Variants in SHROOM4 observed in about 807,000 individuals in gnomAD.
The protein encoded by SHROOM4 is protein Shroom4.
Under a neutral mutation model 80.3 loss-of-function variants are expected in SHROOM4, and 17 were observed. The observed-to-expected ratio is 0.21, with a 90% CI of 0.14 to 0.32. SHROOM4 has a LOEUF of 0.32. SHROOM4 is among the 10% of genes least tolerant of loss of function. The pLI is 1.00. For synonymous variants in SHROOM4, 400 were observed against 437.5 expected (o/e 0.91, Z 1.07); for missense variants, 993 against 1,140.3 (o/e 0.87, Z 1.86).
At chrX:50,751,406 C>A (rs782209193) in intron 1 of SHROOM4, among the ~76,000 whole-genome samples, 1 of 112,150 alleles carries the variant, frequency 8.9e-6, no homozygotes, top group East Asian at 2.8e-4. Context: ...TCAGACATAG[C>A]CTTGTCAAAA....
At position 50,608,015 on chromosome X, in the gene SHROOM4, C is replaced by T; in HGVS notation, c.3127G>A (p.Gly1043Arg). The change falls in exon 6 of 9, where the codon GGG becomes AGG. Residue 1043 changes from glycine to arginine, a missense_variant. Transcript: ENST00000376020. ...TGGGGCATGGAGGCAAGGGAGCTCC[C>T]CTCCTCATAAACTGAAGTTTCCTCT... ...KSEETSVYEE[G>R]SSLASMPHPL... The T allele has an allele frequency of 8.3e-7, 1 of 1,211,851 alleles. No individual in the cohort carries two copies. The highest frequency in any genetic ancestry group is 1.7e-5 in the African/African-American group (1 of 57,860).
intron 2 of SHROOM4, among the ~76,000 whole-genome samples, chrX:50,676,297 T>C (rs1214853676): frequency 1.9e-4 from 20 of 103,891 alleles, no homozygotes; most frequent in Non-Finnish European, 3.4e-4. Flanking sequence ...AGAAAAGTAG[T>C]TTTTTTTTTT....
intron 2 of SHROOM4, among the ~76,000 whole-genome samples, chrX:50,651,152 C>T (rs781846960): frequency 9.0e-6 from 1 of 111,664 alleles, no homozygotes; most frequent in Non-Finnish European, 1.9e-5. Context: ...TTTCCAGCTG[C>T]CTGATAGACT....
At chrX:50,725,955 T>C (rs782790946) in intron 1 of SHROOM4, among the ~76,000 whole-genome samples, 10 of 112,181 alleles carry the variant, frequency 8.9e-5, no homozygotes, top group Admixed American at 1.9e-4. Flanking sequence ...TGGAACTTCC[T>C]AGAGACTTGT....
rs555866730 is a variant in SHROOM4, at chrX:50,604,803, A to G, written c.3762-1990T>C. On this transcript the variant is annotated intron_variant, in intron 6 of 8. Coordinates refer to ENST00000376020, the MANE Select transcript of SHROOM4 (RefSeq NM_020717.5). ...TAGGTGGTCTATGTAGTAAACATCA[A>G]AGCAAAAAGCAGATTCCTTTCACAG... 2.7e-5 allele frequency among the ~76,000 whole-genome samples: 3 copies of G among 111,912 alleles called. No homozygotes were observed. The East Asian group carries it at 8.5e-4, about 32-fold the overall frequency.
rs782769641 is a variant in SHROOM4 at position 50,685,665 on chromosome X, T to C, written c.269+10121A>G. ...TGCTGGTTCTAGTCTAGTCTACCTC[T>C]GTCGCTGTGTGGCCTTAGGAAAGTC... On this transcript the variant is annotated intron_variant, in intron 2 of 8. Transcript: ENST00000376020. 8.0e-5 allele frequency among the ~76,000 whole-genome samples: 9 copies of C among 111,986 alleles called. No homozygotes were observed. The East Asian group carries it at 2.5e-3, about 32-fold the overall frequency.
At chrX:50,796,488 G>A (rs1337215984) in intron 1 of SHROOM4, among the ~76,000 whole-genome samples, 5 of 111,668 alleles carry the variant, frequency 4.5e-5, no homozygotes, top group African/African-American at 1.3e-4. Context: ...AATGTTAGAG[G>A]TGGAAAGGAT....
chrX:50,806,009 G>A (rs1936219983), intron 1 of SHROOM4, among the ~76,000 whole-genome samples: 1 of 102,854 alleles, frequency 9.7e-6, no homozygotes, highest in African/African-American at 3.6e-5. Context: ...CAGCAGACTA[G>A]AAGGGCTCAC....
chrX:50,744,659 G>T (rs1484264479), intron 1 of SHROOM4, among the ~76,000 whole-genome samples: 1 of 111,659 alleles, frequency 9.0e-6, no homozygotes, highest in African/African-American at 3.3e-5. Context: ...CTTATTTTTT[G>T]GCAATGCTCA....
At chrX:50,759,272 T>C (rs1419945800) in intron 1 of SHROOM4, among the ~76,000 whole-genome samples, 3 of 111,826 alleles carry the variant, frequency 2.7e-5, no homozygotes, top group Non-Finnish European at 5.6e-5. Flanking sequence ...ACTAGACACA[T>C]GCACATGCAG....
Position 50,607,733 on chromosome X carries a change from C to G in SHROOM4, c.3409G>C (p.Glu1137Gln). The G allele has an allele frequency of 8.5e-7, 1 of 1,178,097 alleles. No homozygotes were observed. Among genetic ancestry groups the G allele is most frequent in the Non-Finnish European group, 1.1e-6 (1 of 874,716 alleles). Residue 1137 changes from glutamate (E) to glutamine (Q), a missense_variant, in exon 6 of 9, where the codon GAG becomes CAG. Physicochemically the swap from Glu to Gln is conservative, Grantham distance 29. Transcript: ENST00000376020. The stretch of plus-strand genomic sequence containing the variant: ...TCTTCCTCTTCTTCTTCTTCTTCCT[C>G]CTCCTCCTCCTCCTCCTGTTGCTTC... Reference protein sequence around the residue: ...QQKQQEEEEEEEEEEEEEEEE... With the variant: ...QQKQQEEEEEQEEEEEEEEEE...
chrX:50,704,835 C>T (rs782818804), intron 1 of SHROOM4, among the ~76,000 whole-genome samples: 2 of 111,174 alleles, frequency 1.8e-5, no homozygotes, highest in South Asian at 7.8e-4. Flanking sequence ...ACTCCCAGAA[C>T]ATTATTTGAC....
chrX:50,626,866 C>T (rs1444094129), intron 5 of SHROOM4, among the ~76,000 whole-genome samples: 2 of 111,838 alleles, frequency 1.8e-5, no homozygotes, highest in Admixed American at 1.9e-4. Flanking sequence ...TCCTGCTGTT[C>T]TTTTGCTCGT....
At chrX:50,752,266 AG>A (rs1482534619) in intron 1 of SHROOM4, among the ~76,000 whole-genome samples, 1 of 112,189 alleles carries the variant, frequency 8.9e-6, no homozygotes, top group African/African-American at 3.2e-5. Context: ...CAGAGAAGAC[AG>A]GTTAAGTTTC....
At chrX:50,626,614 G>C (rs1332948716) in intron 5 of SHROOM4, among the ~76,000 whole-genome samples, 1 of 111,812 alleles carries the variant, frequency 8.9e-6, no homozygotes, top group Non-Finnish European at 1.9e-5. Context: ...TCACTCTCAG[G>C]ATGCAGGGTC....
chrX:50,778,235 T>C (rs1253524733), intron 1 of SHROOM4, among the ~76,000 whole-genome samples: 2 of 112,700 alleles, frequency 1.8e-5, no homozygotes, highest in African/African-American at 6.4e-5. Context: ...CCAATTATTC[T>C]ATGACATTCT....
At chrX:50,780,454 T>TA (rs1454394503) in intron 1 of SHROOM4, among the ~76,000 whole-genome samples, 1 of 111,664 alleles carries the variant, frequency 9.0e-6, no homozygotes, top group Non-Finnish European at 1.9e-5. Context: ...AAACAGTGCA[T>TA]AAAGTCCCGA....
intron 2 of SHROOM4, among the ~76,000 whole-genome samples, chrX:50,649,170 G>C (rs1557258337): frequency 8.9e-6 from 1 of 112,149 alleles, no homozygotes; most frequent in Non-Finnish European, 1.9e-5. Flanking sequence ...AATCTAAATA[G>C]CAAAGTCATA....
chrX:50,628,234 C>T (rs1557253482), intron 4 of SHROOM4, among the ~76,000 whole-genome samples: 1 of 111,399 alleles, frequency 9.0e-6, no homozygotes, highest in Non-Finnish European at 1.9e-5. Context: ...CCCACATCTG[C>T]TGGCAGGGGC....
Sources: allele counts gnomAD v4.1 joint callset (sites outside exome capture counted in the v4.1 genomes callset), GRCh38; gene constraint gnomAD v4.1.1; transcripts MANE v1.5; gene names NCBI Gene and HGNC (gene_info 2026-07-23, HGNC 2026-07-21).